GPR35: variants seen among roughly 807,000 people sequenced by gnomAD.
GPR35 encodes KYNA receptor.
For synonymous variants in GPR35, 207 were observed against 198.4 expected, an observed-to-expected ratio of 1.04 and a Z score of -0.36; for missense variants, 372 against 422.5, an observed-to-expected ratio of 0.88 and a Z score of 1.05.
intron 4 of GPR35, among the ~76,000 whole-genome samples, chr2:240,618,614 A>G (rs891896958): frequency 6.6e-6 from 1 of 152,248 alleles, no homozygotes; most frequent in Non-Finnish European, 1.5e-5. Context: ...AACATTTGAC[A>G]TGAGTCTAAA....
intron 2 of GPR35, among the ~76,000 whole-genome samples, chr2:240,608,441 T>C (rs981041346): frequency 6.6e-6 from 1 of 152,216 alleles, no homozygotes; most frequent in Admixed American, 6.5e-5. Flanking sequence ...GAAGTTCTCT[T>C]CTCTTTCTAG....
chr2:240,623,424 C>T (rs77073874), upstream of GPR35, among the ~76,000 whole-genome samples: 1,832 of 43,972 alleles, frequency 0.042, 143 homozygotes, highest in East Asian at 0.12. Context: ...ATCGTGAGGG[C>T]GCAAACAGGT....
At position 240,630,053 on chromosome 2, in the gene GPR35, G is replaced by A. The variant is rs1474230491; in HGVS notation, c.101G>A (p.Gly34Asp). ...TACTTGGGCGTCCTGCTGGTGCTAGGCCTGCTGCTCAACAGCCTGGCGCTC... is the reference window on the plus strand; with the variant it reads ...TACTTGGGCGTCCTGCTGGTGCTAGACCTGCTGCTCAACAGCCTGGCGCTC... ...YAYLGVLLVL[G>D]LLLNSLALWV... is the part of the protein sequence containing the mutation. Residue 34 changes from glycine (G) to aspartate (D), a missense_variant, in exon 2 of 2, where the codon GGC becomes GAC. Physicochemically the swap from Gly to Asp is moderately conservative, Grantham distance 94 (BLOSUM62 -1). Transcript: ENST00000407714. 6.2e-7 allele frequency: 1 copy of A among 1,612,410 alleles called. No homozygotes were observed. Among genetic ancestry groups the A allele is most frequent in the South Asian group, 1.1e-5 (1 of 91,086 alleles).
chr2:240,629,833 G>A (rs900301941), intron 1 of GPR35, 116 bp from the exon 2 acceptor site: 17 of 830,964 alleles, frequency 2.0e-5, no homozygotes, highest in Non-Finnish European at 3.2e-5. Context: ...GTTTGTGGGT[G>A]TGGGGTCGGG....
chr2:240,629,801 T>G (rs1452066616), intron 1 of GPR35, 148 bp from the exon 2 acceptor site: 4 of 654,562 alleles, frequency 6.1e-6, no homozygotes, highest in Non-Finnish European at 1.1e-5. Flanking sequence ...ACGGCACCCA[T>G]GCTTTCTTTG....
At chr2:240,616,379 C>T in intron 2 of GPR35, 1 of 765,184 alleles carries the variant, frequency 1.3e-6, no homozygotes, top group Non-Finnish European at 2.4e-6. Flanking sequence ...CTCTCTATTC[C>T]CCTCCTAGGT....
At chr2:240,619,597 G>A (rs981651085) in intron 5 of GPR35, among the ~76,000 whole-genome samples, 4 of 152,240 alleles carry the variant, frequency 2.6e-5, no homozygotes, top group Admixed American at 1.3e-4. Context: ...CTGCTGCCCC[G>A]GGGAGGACGT....
upstream of GPR35, among the ~76,000 whole-genome samples, chr2:240,622,245 T>C (rs1035171993): frequency 6.6e-6 from 1 of 152,202 alleles, no homozygotes; most frequent in Non-Finnish European, 1.5e-5. Flanking sequence ...TTTGCTGTCA[T>C]AGAAGTGTGT....
At chr2:240,616,125 C>A (rs2043234672) in intron 2 of GPR35, among the ~76,000 whole-genome samples, 1 of 152,178 alleles carries the variant, frequency 6.6e-6, no homozygotes, top group Admixed American at 6.5e-5. Context: ...GTAGTGAGAT[C>A]ATCTCCCCAT....
At chr2:240,605,677 A>T (rs1025876057) in intron 1 of GPR35, 1 of 152,334 alleles carries the variant, frequency 6.6e-6, no homozygotes, top group African/African-American at 2.4e-5. Context: ...GCTGGGGCCA[A>T]GGTGTTCAGA....
intron 2 of GPR35, among the ~76,000 whole-genome samples, chr2:240,616,150 C>A (rs886958081): frequency 6.6e-6 from 1 of 152,104 alleles, no homozygotes; most frequent in Non-Finnish European, 1.5e-5. Flanking sequence ...CTGATGTCAT[C>A]CAGGGGGCAA....
intron 4 of GPR35, among the ~76,000 whole-genome samples, chr2:240,617,959 C>G (rs1277140597): frequency 6.6e-6 from 1 of 152,186 alleles, no homozygotes; most frequent in East Asian, 1.9e-4. Context: ...AAGAGCCCCT[C>G]TTCCTCTTCA....
chr2:240,606,454 C>G (rs1238278024), exon 2 of GPR35: 1 of 152,368 alleles, frequency 6.6e-6, no homozygotes, highest in African/African-American at 2.4e-5. Flanking sequence ...GCATCACTTT[C>G]CACCATCTTG....
In GPR35 at chr2:240,630,462, C is replaced by G. The variant is rs760013076; in HGVS notation, c.510C>G (p.Phe170Leu). ...GCTTCAGGAGCACCCGGCACAATTT[C>G]AACTCCATGGCGTTCCCGCTGCTGG... ...GFCFRSTRHN[F>L]NSMAFPLLGF... is the part of the protein sequence containing the mutation. The change falls in exon 2 of 2, where the codon TTC (phenylalanine) becomes TTG (leucine). Residue 170 changes from phenylalanine to leucine, a missense_variant. Transcript: ENST00000407714. 1 of 1,612,930 alleles carries G rather than the reference C, an allele frequency of 6.2e-7. No homozygotes were observed. Among genetic ancestry groups the G allele is most frequent in the Non-Finnish European group, 8.5e-7 (1 of 1,179,964 alleles).
chr2:240,606,183 C>T (rs181032356), intron 1 of GPR35, among the ~76,000 whole-genome samples: 1 of 152,212 alleles, frequency 6.6e-6, no homozygotes, highest in African/African-American at 2.4e-5. Context: ...TCCCAGGGAA[C>T]ATGGCACCAG....
chr2:240,616,333 C>T (rs571052444), intron 2 of GPR35: 1 of 729,066 alleles, frequency 1.4e-6, no homozygotes, highest in Admixed American at 1.9e-5. Flanking sequence ...GGCCGACATA[C>T]CTGTTGGGTT....
rs189821318 is a variant in GPR35 at position 240,612,630 on chromosome 2, G to A, written c.-576-3758G>A. 3.3e-5 allele frequency among the ~76,000 whole-genome samples: 5 copies of A among 152,308 alleles called. No homozygotes were observed. The East Asian group carries it at 9.7e-4, about 30-fold the overall frequency. On this transcript the variant is annotated intron_variant, in intron 2 of 5. Transcript: ENST00000319838. ...TTCAGCAGGTGGACCCCGAGGGGGT[G>A]TGAGGAAATGGACTCTGTGAGTGGG...
At chr2:240,625,712 G>T (rs1170789865) in intron 1 of GPR35, 144 bp downstream of exon 1, 2 of 226,564 alleles carry the variant, frequency 8.8e-6, no homozygotes, top group East Asian at 2.6e-4. Flanking sequence ...TGTGACGGGG[G>T]TTCTCAGAGC....
upstream of GPR35, among the ~76,000 whole-genome samples, chr2:240,621,188 C>T (rs542933334): frequency 1.3e-4 from 20 of 152,338 alleles, no homozygotes; most frequent in East Asian, 1.9e-3. Context: ...GGGGGCACAG[C>T]GCTTGAAGGG....
Sources: gnomAD v4.1 joint callset for allele counts (sites outside exome capture counted in the v4.1 genomes callset) on GRCh38, gnomAD v4.1.1 for gene constraint, MANE v1.5 for transcripts, NCBI Gene and HGNC (gene_info 2026-07-23, HGNC 2026-07-21) for gene names.